The following PLEKHA4 variants were observed in gnomAD, a reference collection of about 807,000 sequenced individuals.
PLEKHA4 encodes pleckstrin homology domain containing A4, also known as pleckstrin homology domain-containing family A member 4.
Under a neutral mutation model 94.7 loss-of-function variants are expected in PLEKHA4, and 73 were observed. That is an observed-to-expected ratio of 0.77 (90% CI 0.64 to 0.94). PLEKHA4 has a LOEUF of 0.94. Among genes scored for constraint, PLEKHA4 ranks in the 40% least tolerant of loss-of-function variants. The pLI, the probability that PLEKHA4 is intolerant of heterozygous loss-of-function variation, is 0.00. For synonymous variants in PLEKHA4, 449 were observed against 437.1 expected (o/e 1.03, Z -0.34); for missense variants, 1,049 against 1,054.1 (o/e 1.00, Z 0.07).
chr19:48,850,154 C>T (rs964924531), intron 13 of PLEKHA4, among the ~76,000 whole-genome samples: 4 of 150,336 alleles, frequency 2.7e-5, no homozygotes, highest in East Asian at 2.0e-4. Context: ...TGCAGTGAGC[C>T]GAGATCACAC....
chr19:48,848,784 G>A (rs1232694678), intron 13 of PLEKHA4, among the ~76,000 whole-genome samples: 13 of 149,806 alleles, frequency 8.7e-5, no homozygotes, highest in East Asian at 2.0e-4. Flanking sequence ...GCAACAGAGC[G>A]AGACACTGTC....
Position 48,837,411 on chromosome 19 carries a change from C to T in PLEKHA4, c.2218G>A (p.Gly740Arg). Residue 740 changes from glycine (G) to arginine (R), a missense_variant, in exon 20 of 20, where the codon GGG (glycine) becomes AGG (arginine). Gly to Arg is a moderately radical substitution (Grantham distance 125, BLOSUM62 -2). Coordinates refer to ENST00000263265, the MANE Select transcript of PLEKHA4 (RefSeq NM_020904.3). This position sits in a 1 kb window ranked among gnomAD's most constrained non-coding sequence, Gnocchi z 4.3. ...CAGGGGGTGGGACCTCCTCCACGCC[C>T]ACTCCCTCGGCGAGAGAACCCCGTG... ...GSTGFSRRGS[G>R]RGGGPTPWGP... 6.2e-7 allele frequency: 1 copy of T among 1,613,612 alleles called. No homozygotes were observed. Among genetic ancestry groups the T allele is most frequent in the Non-Finnish European group, 8.5e-7 (1 of 1,179,858 alleles).
intron 16 of PLEKHA4, among the ~76,000 whole-genome samples, chr19:48,844,150 T>TTAC (rs2035875140): frequency 7.8e-6 from 1 of 127,472 alleles, no homozygotes; most frequent in Non-Finnish European, 1.8e-5. Flanking sequence ...ATTATTATTA[T>TTAC]TATTATTATT....
rs2123211622 is a variant in PLEKHA4, at chr19:48,867,773, A to C, written c.-6-147T>G. On this transcript the variant is annotated intron_variant, in intron 1 of 19. Transcript: ENST00000263265. The surrounding 1 kb of genome is among the most constrained non-coding windows in gnomAD (Gnocchi z 4.7). ...GGGCTGGGGGAGGCCATGGCCCGTG[A>C]CCACATACCAAGAGTGGTGCCAAGA... is the stretch of plus-strand genomic sequence containing the variant. 1.3e-6 allele frequency: 1 copy of C among 748,140 alleles called. No homozygotes were observed. Among genetic ancestry groups the C allele is most frequent in the East Asian group, 2.7e-5 (1 of 37,002 alleles). The allele number at this position is 748,140 out of a possible 1,614,324, so 46.3% of individuals were successfully genotyped here.
At position 48,861,819 on chromosome 19, in the gene PLEKHA4, A is replaced by C. The variant is rs1002747410; in HGVS notation, c.193-127T>G. 43 of 875,418 alleles carry C rather than the reference A, an allele frequency of 4.9e-5. No homozygotes were observed. In the South Asian group the frequency reaches 6.0e-4, roughly 12 times the overall value. The allele number at this position is 875,418 out of a possible 1,614,324, so 54.2% of individuals were successfully genotyped here. A position where few individuals can be genotyped will look rare whatever the true frequency, so the allele number is the denominator to read the frequency against. On this transcript the variant is annotated intron_variant, in intron 3 of 19. Coordinates refer to ENST00000263265, the MANE Select transcript of PLEKHA4 (RefSeq NM_020904.3). ...TGGAGAGAGGAGAACAGAGACATAA[A>C]GTAGGGATCAAGAGAGTGGGGTGAG...
chr19:48,864,645 C>T (rs1300091908), intron 3 of PLEKHA4, among the ~76,000 whole-genome samples: 1 of 152,172 alleles, frequency 6.6e-6, no homozygotes, highest in Non-Finnish European at 1.5e-5. Flanking sequence ...ACTGCAGCCT[C>T]AGCCTCCTGG....
intron 13 of PLEKHA4, among the ~76,000 whole-genome samples, 176 bp downstream of exon 13, chr19:48,852,052 C>A (rs541354482): frequency 8.6e-5 from 13 of 151,996 alleles, no homozygotes; most frequent in African/African-American, 1.2e-4. Context: ...TAAAAAAAAA[C>A]CCCAAAGGGC....
Position 48,860,364 on chromosome 19 carries a change from C to T in PLEKHA4, c.462G>A (p.Ala154=). The T allele has an allele frequency of 6.2e-7, 1 of 1,613,824 alleles. No individual in the cohort carries two copies. Among genetic ancestry groups the T allele is most frequent in the Non-Finnish European group, 8.5e-7 (1 of 1,179,940 alleles). ...CCTCTACTCACTAGTCGTCCCCCTC[C>T]GCACGGGAGGCCCGGCCCAGCGCCC... ...WLRALGRASR[A]EGDDYGQPRS... The change falls in exon 6 of 20, where the codon GCG becomes GCA. Residue 154 remains alanine, a synonymous_variant. Transcript: ENST00000263265.
intron 3 of PLEKHA4, among the ~76,000 whole-genome samples, chr19:48,864,082 C>T (rs553198260): frequency 6.6e-6 from 1 of 152,258 alleles, no homozygotes; most frequent in Non-Finnish European, 1.5e-5. Context: ...TGCTCTGCTG[C>T]TCCTCCTGGC....
intron 3 of PLEKHA4, among the ~76,000 whole-genome samples, chr19:48,862,398 A>G (rs144156691): frequency 0.042 from 6,421 of 151,394 alleles, 423 homozygotes; most frequent in African/African-American, 0.15. Context: ...ACAGGGTTTC[A>G]CTATGTTGGC....
rs757489084 is a variant in PLEKHA4, at chr19:48,845,555, G to A, written c.1628C>T (p.Pro543Leu). Residue 543 changes from proline to leucine, a missense_variant, in exon 15 of 20, where the codon CCT (proline) becomes CTT (leucine). Pro to Leu is a moderately conservative substitution (Grantham distance 98). Coordinates refer to ENST00000263265, the MANE Select transcript of PLEKHA4 (RefSeq NM_020904.3). ...PRSPETDWGR[P>L]PGGDKDLASP... is the part of the protein sequence containing the mutation. ...GGCGAGGTCTTTGTCGCCTCCAGGA[G>A]GCCGCCCCCAGTCAGTCTCGGGGGA... The A allele has an allele frequency of 6.2e-7, 1 of 1,611,416 alleles. No homozygotes were observed. Among genetic ancestry groups the A allele is most frequent in the Admixed American group, 1.7e-5 (1 of 59,736 alleles).
rs369327643 is a variant in PLEKHA4, at chr19:48,861,423, C to T, written c.344G>A (p.Arg115Gln). Residue 115 changes from arginine (R) to glutamine (Q), a missense_variant, in exon 5 of 20, where the codon CGA becomes CAA. By Grantham distance (43) the Arg-to-Gln change is conservative. Coordinates refer to ENST00000263265, the MANE Select transcript of PLEKHA4 (RefSeq NM_020904.3). ...CACGGTGAAGGTGAAGCGCCGCCCT[C>T]GGGGGGCTCCCGGCCCATCTGGTCT... ...NIRPDGPGAP[R>Q]GRRFTFTAEH... is the part of the protein sequence containing the mutation. 10 of 1,613,718 alleles carry T rather than the reference C, an allele frequency of 6.2e-6. No individual in the cohort carries two copies. In the Admixed American group the frequency reaches 1.2e-4, roughly 19 times the overall value.
chr19:48,841,747 G>C (rs1318369545), intron 16 of PLEKHA4, among the ~76,000 whole-genome samples: 1 of 152,026 alleles, frequency 6.6e-6, no homozygotes, highest in Non-Finnish European at 1.5e-5. Flanking sequence ...TTGCGGCCAA[G>C]AGTTTGAGAC....
rs555571700 is a variant in PLEKHA4, at chr19:48,845,620, C to T, written c.1567-4G>A. 37 of 1,556,486 alleles carry T rather than the reference C, an allele frequency of 2.4e-5. No individual in the cohort carries two copies. The highest frequency in any genetic ancestry group is 8.4e-5 in the Admixed American group (4 of 47,484). On this transcript the variant is annotated splice_region_variant and splice_polypyrimidine_tract_variant and intron_variant, in intron 14 of 19. Coordinates refer to ENST00000263265, the MANE Select transcript of PLEKHA4 (RefSeq NM_020904.3). ...GTTCCAAGGACTCTGGCAGGCTCTG[C>T]GGGGATTAGAAAAGGGGGATAATGA...
chr19:48,866,677 G>A (rs556725386), intron 2 of PLEKHA4, among the ~76,000 whole-genome samples: 2 of 152,200 alleles, frequency 1.3e-5, no homozygotes, highest in South Asian at 4.2e-4. Flanking sequence ...AGCAATTTGG[G>A]GATCAAGCAT....
chr19:48,838,953 C>T (rs77537465), intron 18 of PLEKHA4, among the ~76,000 whole-genome samples: 2,072 of 152,054 alleles, frequency 0.014, 27 homozygotes, highest in Non-Finnish European at 0.02. Context: ...TCCACTCGCG[C>T]GTCACTATCA....
chr19:48,863,978 G>A (rs1305614596), intron 3 of PLEKHA4, among the ~76,000 whole-genome samples: 1 of 152,110 alleles, frequency 6.6e-6, no homozygotes, highest in Non-Finnish European at 1.5e-5. Flanking sequence ...TTCCTGATTT[G>A]GCAAATCTAT....
At chr19:48,854,522 C>T (rs1189518107) in intron 9 of PLEKHA4, among the ~76,000 whole-genome samples, 1 of 151,776 alleles carries the variant, frequency 6.6e-6, no homozygotes, top group Non-Finnish European at 1.5e-5. Context: ...GCGCACACAT[C>T]ATGCCCGGCT....
Position 48,867,658 on chromosome 19 carries a change from TG to T in PLEKHA4, c.-6-33del. On this transcript the variant is annotated intron_variant, in intron 1 of 19. Coordinates refer to ENST00000263265, the MANE Select transcript of PLEKHA4 (RefSeq NM_020904.3). This position sits in a 1 kb window ranked among gnomAD's most constrained non-coding sequence, Gnocchi z 4.7. ...GAGAGAAAGAAAGGGGCTGTGTCTC[TG>T]CAGTGACGGGTGTGAGACAGAGATG... 6.4e-7 allele frequency: 1 copy of T among 1,552,938 alleles called. No individual in the cohort carries two copies. Among genetic ancestry groups the T allele is most frequent in the Non-Finnish European group, 8.7e-7 (1 of 1,144,642 alleles).
Sources: gnomAD v4.1 joint callset for allele counts (sites outside exome capture counted in the v4.1 genomes callset) on GRCh38, gnomAD v4.1.1 for gene constraint, Gnocchi (gnomAD v3.1) non-coding constraint, MANE v1.5 for transcripts, NCBI Gene and HGNC (gene_info 2026-07-23, HGNC 2026-07-21) for gene names.